The following PRH1 variants were observed in gnomAD, a reference collection of about 807,000 sequenced individuals.
The protein encoded by PRH1 is salivary acidic proline-rich phosphoprotein 1/2.
PRH1 carries 7 observed loss-of-function variants against 7.9 expected under a neutral mutation model. The ratio of observed to expected loss-of-function variants is 0.89; its 90% confidence interval spans 0.50 to 1.67. The LOEUF (loss-of-function observed/expected upper bound fraction) is 1.67, where lower values mean the gene tolerates loss of function less well. PRH1 is among the 40% of genes most tolerant of loss of function. The pLI is 0.00. For missense variants in PRH1, 109 were observed against 223.6 expected, an observed-to-expected ratio of 0.49 and a Z score of 3.27; for synonymous variants, 45 against 80.8, an observed-to-expected ratio of 0.56 and a Z score of 2.38.
intron 1 of PRH1, among the ~76,000 whole-genome samples, chr12:11,108,360 A>T (rs1462285802): frequency 6.6e-6 from 1 of 152,232 alleles, no homozygotes; most frequent in Non-Finnish European, 1.5e-5. Flanking sequence ...ATGAAAAAAA[A>T]TAGTGGAGTG....
chr12:11,091,714 C>T (rs1460438542), intron 1 of PRH1: 2 of 1,273,752 alleles, frequency 1.6e-6, no homozygotes, highest in South Asian at 1.2e-5. Context: ...TTGAAAAGTA[C>T]ATTGCACTCT....
At chr12:11,069,243 T>C in intron 1 of PRH1, among the ~76,000 whole-genome samples, 1 of 152,132 alleles carries the variant, frequency 6.6e-6, no homozygotes. Flanking sequence ...AAATGTAAAT[T>C]TGACATTTGA....
intron 1 of PRH1, among the ~76,000 whole-genome samples, chr12:11,139,945 T>A (rs2708368): frequency 0.45 from 69,096 of 151,898 alleles, 16,510 homozygotes; most frequent in Non-Finnish European, 0.53. Flanking sequence ...TGTATTTATA[T>A]AACATATTAT....
At chr12:10,913,884 C>A (rs61914785) in intron 2 of PRH1, among the ~76,000 whole-genome samples, 26 of 152,258 alleles carry the variant, frequency 1.7e-4, no homozygotes, top group Non-Finnish European at 1.6e-4. Context: ...GGACATGTAA[C>A]AGAAATCAAA....
At chr12:11,134,025 C>T in intron 1 of PRH1, 1 of 1,614,104 alleles carries the variant, frequency 6.2e-7, no homozygotes, top group African/African-American at 1.3e-5. Flanking sequence ...CTATAAAAAG[C>T]TGGATTCAAC....
intron 1 of PRH1, among the ~76,000 whole-genome samples, chr12:11,167,637 G>A (rs183372131): frequency 1.5e-3 from 224 of 152,018 alleles, no homozygotes; most frequent in African/African-American, 5.0e-3. Flanking sequence ...GTAGAGAGAC[G>A]GGGTTTCACC....
intron 2 of PRH1, among the ~76,000 whole-genome samples, chr12:10,904,269 T>A (rs1457105588): frequency 6.6e-6 from 1 of 152,052 alleles, no homozygotes; most frequent in Non-Finnish European, 1.5e-5. Context: ...ATTACCTGAC[T>A]TCAAACTATA....
At chr12:10,914,281 C>G (rs939876823) in intron 2 of PRH1, among the ~76,000 whole-genome samples, 13 of 152,044 alleles carry the variant, frequency 8.6e-5, no homozygotes, top group African/African-American at 2.4e-5. Flanking sequence ...TACTGTCTAG[C>G]TAAATAGCAA....
intron 1 of PRH1, among the ~76,000 whole-genome samples, chr12:11,056,250 CAT>C (rs1312925605): frequency 3.9e-5 from 6 of 152,230 alleles, no homozygotes; most frequent in Non-Finnish European, 8.8e-5. Context: ...ACTTAAAAAA[CAT>C]GTTTTCCATT....
intron 1 of PRH1, among the ~76,000 whole-genome samples, chr12:11,008,897 T>G (rs35653945): frequency 0.3 from 46,017 of 151,614 alleles, 8,798 homozygotes; most frequent in East Asian, 0.73. Flanking sequence ...ATAGGGTCCT[T>G]GATTAAGATG....
At chr12:11,131,577 A>T (rs991326223) in intron 1 of PRH1, among the ~76,000 whole-genome samples, 1 of 152,296 alleles carries the variant, frequency 6.6e-6, no homozygotes, top group East Asian at 1.9e-4. Context: ...ATAGAAAAAA[A>T]TACATACGCA....
At chr12:11,039,286 T>C (rs1432028947) in intron 1 of PRH1, among the ~76,000 whole-genome samples, 1 of 152,242 alleles carries the variant, frequency 6.6e-6, no homozygotes. Context: ...GCAGTAATGT[T>C]GTTTTTCCTT....
chr12:10,908,619 T>C (rs779745131), intron 2 of PRH1: 2 of 1,613,962 alleles, frequency 1.2e-6, no homozygotes, highest in South Asian at 2.2e-5. Context: ...GGCATTTGTA[T>C]GGACCTTGGT....
chr12:11,102,618 G>A (rs1306083552), intron 1 of PRH1, among the ~76,000 whole-genome samples: 1 of 152,156 alleles, frequency 6.6e-6, no homozygotes, highest in Non-Finnish European at 1.5e-5. Context: ...ATACCATTCA[G>A]GACACAGGCA....
chr12:10,978,689 C>T (rs1365643281), intron 1 of PRH1, among the ~76,000 whole-genome samples: 1 of 152,054 alleles, frequency 6.6e-6, no homozygotes, highest in Non-Finnish European at 1.5e-5. Context: ...TGACAAAGTC[C>T]TATTCAGAAT....
intron 1 of PRH1, among the ~76,000 whole-genome samples, chr12:11,101,354 G>A (rs557504374): frequency 6.6e-6 from 1 of 152,206 alleles, no homozygotes; most frequent in Non-Finnish European, 1.5e-5. Context: ...GCAGGGCGTA[G>A]TGGTGCACGC....
At chr12:10,967,624 TTTTTG>T (rs746771062) in intron 2 of PRH1, among the ~76,000 whole-genome samples, 11 of 152,256 alleles carry the variant, frequency 7.2e-5, no homozygotes, top group Non-Finnish European at 1.3e-4. Context: ...TGTGATTAGC[TTTTTG>T]TTTTGTTTTG....
chr12:11,110,608 G>A (rs1297841504), intron 1 of PRH1, among the ~76,000 whole-genome samples: 1 of 152,166 alleles, frequency 6.6e-6, no homozygotes, highest in African/African-American at 2.4e-5. Flanking sequence ...AATGCTAAGA[G>A]ATTTTGTTAC....
chr12:10,936,391 A>G (rs889622576), intron 2 of PRH1, among the ~76,000 whole-genome samples: 16 of 152,186 alleles, frequency 1.1e-4, no homozygotes, highest in African/African-American at 3.9e-4. Context: ...AGTTGTTTCT[A>G]ATATGCCACT....
Sources: gnomAD v4.1 joint callset for allele counts (sites outside exome capture counted in the v4.1 genomes callset) on GRCh38, gnomAD v4.1.1 for gene constraint, MANE v1.5 for transcripts, NCBI Gene and HGNC (gene_info 2026-07-23, HGNC 2026-07-21) for gene names.